Variants in TRIM44 observed in about 807,000 individuals in gnomAD.
TRIM44 encodes tripartite motif-containing protein 44.
A neutral mutation model predicts 37.4 loss-of-function variants in TRIM44; 13 were observed. The ratio of observed to expected loss-of-function variants is 0.35; its 90% confidence interval spans 0.23 to 0.55. TRIM44 has a LOEUF of 0.55. TRIM44 is among the 20% of genes least tolerant of loss of function. TRIM44 has a pLI of 0.89. For synonymous variants in TRIM44, 175 were observed against 157.2 expected (o/e 1.11, Z -0.85); for missense variants, 426 against 437.2 (o/e 0.97, Z 0.23).
chr11:35,784,180 TGAC>T, intron 4 of TRIM44, among the ~76,000 whole-genome samples: 1 of 152,318 alleles, frequency 6.6e-6, no homozygotes, highest in African/African-American at 2.4e-5. Context: ...ATCCAAGAAA[TGAC>T]CTCTCTTATG....
chr11:35,749,489 A>C (rs563986739), intron 4 of TRIM44, among the ~76,000 whole-genome samples: 1 of 152,368 alleles, frequency 6.6e-6, no homozygotes, highest in Admixed American at 6.5e-5. Context: ...GTTCCAGACC[A>C]GCCTGGCCAA....
intron 4 of TRIM44, among the ~76,000 whole-genome samples, chr11:35,774,962 G>A (rs1331452252): frequency 6.6e-6 from 1 of 152,104 alleles, no homozygotes; most frequent in Non-Finnish European, 1.5e-5. Flanking sequence ...CTCTTTTTTG[G>A]TTCCATATGA....
chr11:35,696,533 C>T (rs951989491), intron 2 of TRIM44, among the ~76,000 whole-genome samples: 1 of 151,884 alleles, frequency 6.6e-6, no homozygotes, highest in African/African-American at 2.4e-5. Context: ...TTCCCCCAGC[C>T]CCTTTTTTGG....
intron 1 of TRIM44, among the ~76,000 whole-genome samples, chr11:35,671,141 A>G (rs548786460): frequency 1.4e-4 from 22 of 152,358 alleles, no homozygotes; most frequent in African/African-American, 5.0e-4. Context: ...AGCAGTGAAC[A>G]AAATGAAAGT....
chr11:35,728,281 G>T (rs1295507084), intron 3 of TRIM44, among the ~76,000 whole-genome samples: 1 of 152,130 alleles, frequency 6.6e-6, no homozygotes, highest in Non-Finnish European at 1.5e-5. Flanking sequence ...AGCCAAGATT[G>T]CAGCCACTGC....
intron 4 of TRIM44, among the ~76,000 whole-genome samples, chr11:35,784,284 C>G (rs1853100730): frequency 6.6e-6 from 1 of 152,062 alleles, no homozygotes; most frequent in African/African-American, 2.4e-5. Flanking sequence ...ACATCTGTGC[C>G]AAAAATACTA....
chr11:35,741,782 C>A (rs936480834), intron 4 of TRIM44, among the ~76,000 whole-genome samples: 1 of 152,222 alleles, frequency 6.6e-6, no homozygotes, highest in African/African-American at 2.4e-5. Flanking sequence ...GGAATTCTTT[C>A]TTTCAACAAA....
intron 4 of TRIM44, among the ~76,000 whole-genome samples, chr11:35,757,375 T>A (rs1436467804): frequency 6.6e-6 from 1 of 152,212 alleles, no homozygotes; most frequent in Non-Finnish European, 1.5e-5. Context: ...TTATTGCGTC[T>A]ATTTGATTCT....
chr11:35,676,251 T>G (rs1851459466), intron 1 of TRIM44, among the ~76,000 whole-genome samples: 1 of 152,162 alleles, frequency 6.6e-6, no homozygotes, highest in Admixed American at 6.5e-5. Context: ...CCCTCAGCAA[T>G]GGGTTGCTCT....
At position 35,810,244 on chromosome 11, in the gene TRIM44, C is replaced by G. The variant is rs1038424968; in HGVS notation, c.*3859C>G. ...GTAGTTGTGGCAGGGTCTAGGAAGT[C>G]CTCTCTCCCCAAGTAGAAAATATTC... On this transcript the variant is annotated 3_prime_UTR_variant, in exon 5 of 5. Coordinates refer to ENST00000299413, the MANE Select transcript of TRIM44 (RefSeq NM_017583.6). The G allele has an allele frequency of 6.6e-6, 1 of 152,092 alleles. No individual in the cohort carries two copies. The highest frequency in any genetic ancestry group is 2.4e-5 in the African/African-American group (1 of 41,386). The allele number at this position is 152,092 out of a possible 1,614,324, so 9.4% of individuals were successfully genotyped here. A position where few individuals can be genotyped will look rare whatever the true frequency, so the allele number is the denominator to read the frequency against.
At chr11:35,782,859 C>T (rs967138308) in intron 4 of TRIM44, among the ~76,000 whole-genome samples, 9 of 152,182 alleles carry the variant, frequency 5.9e-5, no homozygotes, top group African/African-American at 2.2e-4. Context: ...GTCAGCCAAT[C>T]AGTAGTATCT....
intron 3 of TRIM44, among the ~76,000 whole-genome samples, chr11:35,732,987 C>T (rs984077973): frequency 3.3e-5 from 5 of 152,164 alleles, no homozygotes; most frequent in East Asian, 1.9e-4. Flanking sequence ...TGTCCTTCCC[C>T]GCTCTCCCCT....
intron 4 of TRIM44, among the ~76,000 whole-genome samples, chr11:35,772,914 G>A (rs1852893065): frequency 1.3e-5 from 2 of 152,122 alleles, no homozygotes; most frequent in South Asian, 2.1e-4. Flanking sequence ...GGGGACAAGG[G>A]CAGAAAGATG....
chr11:35,756,048 A>G (rs1852633595), intron 4 of TRIM44, among the ~76,000 whole-genome samples: 3 of 152,218 alleles, frequency 2.0e-5, no homozygotes, highest in Admixed American at 1.3e-4. Context: ...GAAGAAAGTC[A>G]TTGGTAGCTT....
chr11:35,799,176 C>T (rs1435279262), intron 4 of TRIM44, among the ~76,000 whole-genome samples: 1 of 152,250 alleles, frequency 6.6e-6, no homozygotes, highest in African/African-American at 2.4e-5. Context: ...CCTGGGCAGG[C>T]CTGCTGGCTC....
At chr11:35,756,931 C>T (rs1045027881) in intron 4 of TRIM44, among the ~76,000 whole-genome samples, 1 of 152,142 alleles carries the variant, frequency 6.6e-6, no homozygotes, top group East Asian at 1.9e-4. Context: ...AGGATTTTGG[C>T]GTCGATGTTC....
chr11:35,677,619 T>A (rs1056131685), intron 1 of TRIM44, among the ~76,000 whole-genome samples: 2 of 152,188 alleles, frequency 1.3e-5, no homozygotes, highest in African/African-American at 4.8e-5. Context: ...TAGTATTTCT[T>A]AAGATAATTT....
chr11:35,731,343 C>T lies in TRIM44; in HGVS notation c.988-4083C>T, dbSNP rs370882723. The stretch of plus-strand genomic sequence containing the variant: ...TTCTGTATCTCTTGAAATGATCATA[C>T]GCATTTTTTTCATTATTCTGTTGTA... On this transcript the variant is annotated intron_variant, in intron 3 of 4. Coordinates refer to ENST00000299413, the MANE Select transcript of TRIM44 (RefSeq NM_017583.6). Among the ~76,000 whole-genome samples, 34 of 152,136 alleles carry T rather than the reference C, an allele frequency of 2.2e-4. No homozygotes were observed. In the South Asian group the frequency reaches 2.5e-3, roughly 11 times the overall value.
rs149542930 is a variant in TRIM44, at chr11:35,720,106, T to A, written c.748-5818T>A. Among the ~76,000 whole-genome samples, 281 of 152,360 alleles carry A rather than the reference T, an allele frequency of 1.8e-3. 2 individuals are homozygous for A. Among genetic ancestry groups the A allele is most frequent in the African/African-American group, 6.5e-3 (270 of 41,594 alleles). On this transcript the variant is annotated intron_variant, in intron 2 of 4. Coordinates refer to ENST00000299413, the MANE Select transcript of TRIM44 (RefSeq NM_017583.6). Reference sequence around the variant, plus strand: ...GCTAGGATTTTGATTGGGATTTTGTTAATCTGTAGATCAACTTTGGAAGAC... The same window carrying A: ...GCTAGGATTTTGATTGGGATTTTGTAAATCTGTAGATCAACTTTGGAAGAC...
Sources: gnomAD v4.1 joint callset for allele counts (sites outside exome capture counted in the v4.1 genomes callset) on GRCh38, gnomAD v4.1.1 for gene constraint, MANE v1.5 for transcripts, NCBI Gene and HGNC (gene_info 2026-07-23, HGNC 2026-07-21) for gene names.